Variants in TSC22D2 observed in about 807,000 individuals in gnomAD.
TSC22D2 encodes TSC22 domain family member 2.
Under a neutral mutation model 50.1 loss-of-function variants are expected in TSC22D2, and 5 were observed. The ratio of observed to expected loss-of-function variants is 0.10; its 90% CI spans 0.05 to 0.21. TSC22D2 has a LOEUF of 0.21. TSC22D2 is among the 10% of genes least tolerant of loss of function. The probability of loss-of-function intolerance (pLI) is 1.00; values close to 1 mark genes in which losing one functional copy is unlikely to be tolerated. For synonymous variants in TSC22D2, 501 were observed against 450.1 expected, an observed-to-expected ratio of 1.11 and a Z score of -1.43; for missense variants, 1,003 against 1,015.5, an observed-to-expected ratio of 0.99 and a Z score of 0.17.
intron 1 of TSC22D2, 35 bp downstream of exon 1, chr3:150,411,343 A>G (rs1257469610): frequency 1.9e-6 from 3 of 1,555,656 alleles, no homozygotes; most frequent in South Asian, 2.4e-5. Flanking sequence ...TTTGATAGAA[A>G]TGCTTGGCCA....
intron 1 of TSC22D2, among the ~76,000 whole-genome samples, chr3:150,444,173 G>A (rs1370289144): frequency 1.3e-5 from 2 of 152,002 alleles, no homozygotes; most frequent in East Asian, 1.9e-4. Flanking sequence ...AAAAATTCTC[G>A]AGGTCTGCCC....
Position 150,409,214 on chromosome 3 carries a change from G to A in TSC22D2, c.-137G>A, listed in dbSNP as rs1719396936. The A allele has an allele frequency of 3.0e-6, 3 of 994,854 alleles. No homozygotes were observed. 61.6% of individuals were successfully genotyped at this position (994,854 alleles called of 1,614,324 possible). A position where few individuals can be genotyped will look rare whatever the true frequency, so the allele number is the denominator to read the frequency against. On this transcript the variant is annotated 5_prime_UTR_variant, in exon 1 of 3. It removes the in-frame stop codon of an upstream open reading frame in the 5' UTR. Transcript: ENST00000688009. This position sits in a 1 kb window ranked among gnomAD's most constrained non-coding sequence, Gnocchi z 7.4. ...GCGGCCAGCGCCTGGATCAGCCCGT[G>A]ACTCTTAACAGCGGCGGGCCTCAGA...
intron 1 of TSC22D2, among the ~76,000 whole-genome samples, chr3:150,453,123 G>C (rs1322209167): frequency 2.0e-5 from 3 of 152,146 alleles, no homozygotes; most frequent in African/African-American, 7.2e-5. Context: ...ACCATTGTAG[G>C]GTACCGGGTA....
intron 1 of TSC22D2, among the ~76,000 whole-genome samples, chr3:150,445,188 A>C (rs1435202547): frequency 6.6e-6 from 1 of 151,912 alleles, no homozygotes; most frequent in African/African-American, 2.4e-5. Context: ...TGTCCAGTCC[A>C]CGGGAATCCT....
At chr3:150,435,479 T>TTA (rs1409971952) in intron 1 of TSC22D2, among the ~76,000 whole-genome samples, 4 of 152,156 alleles carry the variant, frequency 2.6e-5, no homozygotes, top group African/African-American at 9.7e-5. Context: ...CTTTCTCCAT[T>TTA]TAAAACTAAG....
chr3:150,464,108 A>G lies in TSC22D2; in HGVS notation c.*5472A>G, dbSNP rs1371028576. 1 of 152,222 alleles carries G rather than the reference A, an allele frequency of 6.6e-6. No homozygotes were observed. 9.4% of individuals were successfully genotyped at this position (152,222 alleles called of 1,614,324 possible). The stretch of plus-strand genomic sequence containing the variant: ...GCAAATGCCACAGTTCAACTTCTCC[A>G]TAAAAAAGTTAAGTTCATCTCTCCA... On this transcript the variant is annotated 3_prime_UTR_variant, in exon 3 of 3. Coordinates refer to ENST00000688009, the MANE Select transcript of TSC22D2 (RefSeq NM_001303264.2).
At position 150,463,470 on chromosome 3, in the gene TSC22D2, T is replaced by G. The variant is rs1655503847; in HGVS notation, c.*4834T>G. 1 of 152,204 alleles carries G rather than the reference T, an allele frequency of 6.6e-6. No individual in the cohort carries two copies. The highest frequency in any genetic ancestry group is 6.5e-5 in the Admixed American group (1 of 15,280). 9.4% of individuals were successfully genotyped at this position (152,204 alleles called of 1,614,324 possible). A position where few individuals can be genotyped will look rare whatever the true frequency, so the allele number is the denominator to read the frequency against. Reference sequence around the variant, plus strand: ...TAGTTTATTATTTAGTGATGTATACTTGCACCCCATTTACTCCTTTTCAAT... The same window carrying G: ...TAGTTTATTATTTAGTGATGTATACGTGCACCCCATTTACTCCTTTTCAAT... On this transcript the variant is annotated 3_prime_UTR_variant, in exon 3 of 3. Coordinates refer to ENST00000688009, the MANE Select transcript of TSC22D2 (RefSeq NM_001303264.2).
chr3:150,450,204 CTGAGGGCAT>C (rs1721000601), intron 1 of TSC22D2, among the ~76,000 whole-genome samples: 3 of 151,964 alleles, frequency 2.0e-5, no homozygotes, highest in Admixed American at 2.0e-4. Flanking sequence ...ATAAAATATG[CTGAGGGCAT>C]TGGTGAACAA....
rs1721544025 is a variant in TSC22D2 at position 150,466,326 on chromosome 3, C to T, written c.*7690C>T. On this transcript the variant is annotated 3_prime_UTR_variant, in exon 3 of 3. Coordinates refer to ENST00000688009, the MANE Select transcript of TSC22D2 (RefSeq NM_001303264.2). ...CAAACTGTCAACAGTAGTTTGGTAG[C>T]GTGCATTAGCTTTAACTGTAATGTT... 2 of 151,918 alleles carry T rather than the reference C, an allele frequency of 1.3e-5. No individual in the cohort carries two copies. The highest frequency in any genetic ancestry group is 2.1e-4 in the South Asian group (1 of 4,802). 9.4% of individuals were successfully genotyped at this position (151,918 alleles called of 1,614,324 possible).
intron 1 of TSC22D2, among the ~76,000 whole-genome samples, chr3:150,430,573 G>C (rs1720344140): frequency 6.6e-6 from 1 of 152,180 alleles, no homozygotes; most frequent in South Asian, 2.1e-4. Flanking sequence ...TGAGGTTTTT[G>C]TTTTTAGCTG....
intron 1 of TSC22D2, among the ~76,000 whole-genome samples, chr3:150,416,522 C>T (rs573436899): frequency 1.3e-5 from 2 of 152,062 alleles, no homozygotes; most frequent in South Asian, 2.1e-4. Flanking sequence ...CTACTGTTTT[C>T]GATGGTATTG....
At chr3:150,423,299 A>T in intron 1 of TSC22D2, 1 of 425,554 alleles carries the variant, frequency 2.3e-6, no homozygotes, top group African/African-American at 2.0e-5. Context: ...TTATATAGAA[A>T]ATAAACATAC....
chr3:150,440,242 T>C (rs1009153911), intron 1 of TSC22D2, among the ~76,000 whole-genome samples: 3 of 152,112 alleles, frequency 2.0e-5, no homozygotes, highest in Non-Finnish European at 4.4e-5. Context: ...AAAGGAGAAT[T>C]TTACATTGTA....
chr3:150,443,545 T>C (rs1720784419), intron 1 of TSC22D2, among the ~76,000 whole-genome samples: 1 of 152,236 alleles, frequency 6.6e-6, no homozygotes, highest in African/African-American at 2.4e-5. Flanking sequence ...AACCTTTATA[T>C]GTGACCTGAT....
At chr3:150,452,289 T>TA (rs1269885262) in intron 1 of TSC22D2, among the ~76,000 whole-genome samples, 1 of 151,802 alleles carries the variant, frequency 6.6e-6, no homozygotes, top group Non-Finnish European at 1.5e-5. Context: ...CCACTAAAAA[T>TA]ACAAAATTAG....
intron 1 of TSC22D2, among the ~76,000 whole-genome samples, chr3:150,456,636 A>G (rs959925093): frequency 6.6e-6 from 1 of 152,188 alleles, no homozygotes; most frequent in Non-Finnish European, 1.5e-5. Context: ...GAAAAAAAAA[A>G]GTCAAGCCAT....
Position 150,462,176 on chromosome 3 carries a change from G to A in TSC22D2, c.*3540G>A, listed in dbSNP as rs1721435960. 1 of 152,150 alleles carries A rather than the reference G, an allele frequency of 6.6e-6. No homozygotes were observed. The highest frequency in any genetic ancestry group is 1.5e-5 in the Non-Finnish European group (1 of 68,050). The allele number at this position is 152,150 out of a possible 1,614,324, so 9.4% of individuals were successfully genotyped here. A position where few individuals can be genotyped will look rare whatever the true frequency, so the allele number is the denominator to read the frequency against. On this transcript the variant is annotated 3_prime_UTR_variant, in exon 3 of 3. Coordinates refer to ENST00000688009, the MANE Select transcript of TSC22D2 (RefSeq NM_001303264.2). The stretch of plus-strand genomic sequence containing the variant: ...CTCAAAAACATGACACCTGAGTCTT[G>A]AAGGTCATAAGAGCCAGAGGGAAGG...
chr3:150,421,363 A>G (rs889586772), intron 1 of TSC22D2, among the ~76,000 whole-genome samples: 9 of 152,090 alleles, frequency 5.9e-5, no homozygotes, highest in Non-Finnish European at 1.2e-4. Context: ...AACCAGATTG[A>G]ATGTTCAATT....
At position 150,410,758 on chromosome 3, in the gene TSC22D2, C is replaced by G. The variant is rs756453056; in HGVS notation, c.1408C>G (p.Leu470Val). The change falls in exon 1 of 3, where the codon CTC (leucine) becomes GTC (valine). Residue 470 changes from leucine to valine, a missense_variant. Coordinates refer to ENST00000688009, the MANE Select transcript of TSC22D2 (RefSeq NM_001303264.2). ...TGTGGGAGGCGTGGTGCAGCCGTGC[C>G]TCGGTCCTGCCGGGGCTGGGCAGCC... ...ATVGGVVQPC[L>V]GPAGAGQPQS... The G allele has an allele frequency of 2.2e-5, 35 of 1,608,662 alleles. No individual in the cohort carries two copies. In the South Asian group the frequency reaches 3.6e-4, roughly 17 times the overall value.
Sources: gnomAD v4.1 joint callset for allele counts (sites outside exome capture counted in the v4.1 genomes callset) on GRCh38, gnomAD v4.1.1 for gene constraint, Gnocchi (gnomAD v3.1) non-coding constraint, MANE v1.5 for transcripts, NCBI Gene and HGNC (gene_info 2026-07-23, HGNC 2026-07-21) for gene names.